Variants in PABPC4 observed in about 807,000 individuals in gnomAD.
PABPC4 encodes polyadenylate-binding protein 4.
Under a neutral mutation model 74.5 loss-of-function variants are expected in PABPC4, and 15 were observed. The ratio of observed to expected loss-of-function variants is 0.20; its 90% confidence interval spans 0.13 to 0.31. The LOEUF (loss-of-function observed/expected upper bound fraction) is 0.31, where lower values mean the gene tolerates loss of function less well. Among genes scored for constraint, PABPC4 ranks in the 10% least tolerant of loss-of-function variants. The pLI is 1.00. For missense variants in PABPC4, 610 were observed against 853.5 expected (o/e 0.71, Z 3.55); for synonymous variants, 345 against 303.0 (o/e 1.14, Z -1.44).
At chr1:39,573,825 AAAC>A (rs770841757) in intron 1 of PABPC4, among the ~76,000 whole-genome samples, 3 of 152,150 alleles carry the variant, frequency 2.0e-5, no homozygotes, top group Admixed American at 6.5e-5. Context: ...GTCTCAAAAC[AAAC>A]AACAACAAAA....
intron 3 of PABPC4, 66 bp downstream of exon 3, chr1:39,571,168 G>T: frequency 6.2e-7 from 1 of 1,610,428 alleles, no homozygotes. Flanking sequence ...GTGTGTGCCA[G>T]TTAATAGCGA....
chr1:39,564,655 G>A, intron 9 of PABPC4, 31 bp downstream of exon 9: 2 of 1,611,206 alleles, frequency 1.2e-6, no homozygotes, highest in South Asian at 1.1e-5. Context: ...GGTATATCCT[G>A]GGCTGTCAAT....
At chr1:39,572,894 T>C (rs1012480604) in intron 1 of PABPC4, among the ~76,000 whole-genome samples, 3 of 152,136 alleles carry the variant, frequency 2.0e-5, no homozygotes, top group Non-Finnish European at 4.4e-5. Context: ...CCAGTGATAA[T>C]ACCTCACATT....
At chr1:39,564,583 G>A in intron 9 of PABPC4, 41 bp from the exon 10 acceptor site, 1 of 1,613,078 alleles carries the variant, frequency 6.2e-7, no homozygotes, top group South Asian at 1.1e-5. Flanking sequence ...GAAGTGATGT[G>A]GACCAGAACC....
chr1:39,570,087 T>G (rs1645916253), intron 3 of PABPC4, 85 bp from the exon 4 acceptor site: 4 of 1,361,030 alleles, frequency 2.9e-6, no homozygotes, highest in African/African-American at 1.4e-5. Context: ...GGTTAAAGAC[T>G]GACAGGAGAG....
rs747202127 is a variant in PABPC4 at position 39,564,798 on chromosome 1, C to T, written c.1246-25G>A. On this transcript the variant is annotated intron_variant, in intron 8 of 15. Transcript: ENST00000372858. ...CCTGTAAGACAGAAGAATACCCAAA[C>T]ACCCCCTTAAGGACTGAACCCATCC... 12 of 1,571,076 alleles carry T rather than the reference C, an allele frequency of 7.6e-6. No individual in the cohort carries two copies. In the East Asian group the frequency reaches 1.3e-4, roughly 18 times the overall value.
intron 2 of PABPC4, chr1:39,571,694 G>A (rs1483681221): frequency 4.3e-6 from 2 of 470,488 alleles, no homozygotes; most frequent in South Asian, 3.1e-5. Flanking sequence ...TTGGACAATG[G>A]AGACCCTGTC....
chr1:39,569,059 C>T, intron 5 of PABPC4, 120 bp from the exon 6 acceptor site: 1 of 1,038,752 alleles, frequency 9.6e-7, no homozygotes, highest in Non-Finnish European at 1.4e-6. Flanking sequence ...CACTCCACCT[C>T]TGAAGTCTGT....
chr1:39,565,085 G>A, intron 8 of PABPC4, 21 bp downstream of exon 8: 1 of 1,611,902 alleles, frequency 6.2e-7, no homozygotes, highest in South Asian at 1.1e-5. Context: ...CCCAAGAGCT[G>A]TGACCAAACA....
chr1:39,572,383 C>T lies in PABPC4; in HGVS notation c.387+10G>A. On this transcript the variant is annotated intron_variant, in intron 2 of 15. Transcript: ENST00000372858. ...AATTATTCTGCTAAAATCATTTAAT[C>T]AATGTTTACCTTGCAGGACAGTATG... 1.9e-6 allele frequency: 3 copies of T among 1,559,758 alleles called. No individual in the cohort carries two copies. Among genetic ancestry groups the T allele is most frequent in the Non-Finnish European group, 2.6e-6 (3 of 1,133,982 alleles).
intron 1 of PABPC4, among the ~76,000 whole-genome samples, chr1:39,575,334 G>A (rs778975751): frequency 8.5e-5 from 13 of 152,176 alleles, no homozygotes; most frequent in Non-Finnish European, 1.5e-4. Flanking sequence ...GGCGGAGCGG[G>A]CAGGAGCTTT....
chr1:39,565,245 T>A lies in PABPC4; in HGVS notation c.1106A>T (p.Gln369Leu). The A allele has an allele frequency of 6.2e-7, 1 of 1,614,236 alleles. No individual in the cohort carries two copies. Among genetic ancestry groups the A allele is most frequent in the Middle Eastern group, 1.6e-4 (1 of 6,062 alleles). The change falls in exon 8 of 16, where the codon CAG (glutamine) becomes CTG (leucine). Residue 369 changes from glutamine (Q) to leucine (L), a missense_variant. Physicochemically the swap from Gln to Leu is moderately radical, Grantham distance 113. Around this residue, in one of 4 missense-constraint regions of PABPC4, gnomAD observed 304 missense variants for 478.9 expected, o/e 0.63. Transcript: ENST00000372858. ...GTGAGCCTTTCTCTCTTCCTTCCTC[T>A]GGGCCAGGGCAACATATAGTGGCTT... ...GSKPLYVALA[Q>L]RKEERKAHLT...
At position 39,567,862 on chromosome 1, in the gene PABPC4, C is replaced by T; in HGVS notation, c.877-16G>A. ...GATTCACCCCCTGAAGGAAAAAGAT[C>T]ACTGTTAACTACACTTCTATATCAC... is the stretch of plus-strand genomic sequence containing the variant. On this transcript the variant is annotated splice_polypyrimidine_tract_variant and intron_variant, in intron 6 of 15. Coordinates refer to ENST00000372858, the MANE Select transcript of PABPC4 (RefSeq NM_001135653.2). 7.2e-7 allele frequency: 1 copy of T among 1,384,016 alleles called. No homozygotes were observed. The highest frequency in any genetic ancestry group is 1.0e-6 in the Non-Finnish European group (1 of 971,154). The allele number at this position is 1,384,016 out of a possible 1,614,324, so 85.7% of individuals were successfully genotyped here.
intron 6 of PABPC4, 182 bp from the exon 7 acceptor site, chr1:39,568,028 C>T (rs1052958062): frequency 1.0e-4 from 50 of 479,576 alleles, no homozygotes; most frequent in Non-Finnish European, 1.7e-4. Flanking sequence ...GAGGCCGAGG[C>T]GGGCGAATCA....
chr1:39,569,540 C>T, intron 5 of PABPC4, 55 bp downstream of exon 5: 1 of 1,306,828 alleles, frequency 7.7e-7, no homozygotes. Context: ...AAGACCCTAC[C>T]CATACTCTGG....
At position 39,567,741 on chromosome 1, in the gene PABPC4, A is replaced by G; in HGVS notation, c.972+10T>C. 1 of 1,315,202 alleles carries G rather than the reference A, an allele frequency of 7.6e-7. No individual in the cohort carries two copies. Among genetic ancestry groups the G allele is most frequent in the Non-Finnish European group, 1.1e-6 (1 of 908,312 alleles). The allele number at this position is 1,315,202 out of a possible 1,614,324, so 81.5% of individuals were successfully genotyped here. On this transcript the variant is annotated intron_variant, in intron 7 of 15. Transcript: ENST00000372858. ...CCACTGCTTTCAATCCCCAGATCGCAGTATAATACCTTAGCACTGGTAATT... is the reference window on the plus strand; with the variant it reads ...CCACTGCTTTCAATCCCCAGATCGCGGTATAATACCTTAGCACTGGTAATT...
chr1:39,561,163 A>G (rs1455146615), intron 15 of PABPC4, 41 bp from the exon 16 acceptor site: 1 of 469,720 alleles, frequency 2.1e-6, no homozygotes, highest in Middle Eastern at 3.3e-4. Flanking sequence ...GCATAATCAA[A>G]TAATTTAGAT....
intron 7 of PABPC4, 118 bp downstream of exon 7, chr1:39,567,633 C>A: frequency 1.4e-6 from 1 of 709,942 alleles, no homozygotes; most frequent in Non-Finnish European, 2.6e-6. Flanking sequence ...GCTAGAAAAA[C>A]GTAGTAGCTA....
rs1309090957 is a variant in PABPC4 at position 39,569,676 on chromosome 1, A to G, written c.657T>C (p.Ser219=). ...ELFSQFGKTL[S]VKVMRDPNGK... ...CATTGGGATCTCTCATCACCTTGAC[A>G]CTTAGGGTCTTACCTATTACCAAAG... The change falls in exon 5 of 16, where the codon AGT becomes AGC. Residue 219 remains serine, a synonymous_variant. Coordinates refer to ENST00000372858, the MANE Select transcript of PABPC4 (RefSeq NM_001135653.2). 2 of 1,613,778 alleles carry G rather than the reference A, an allele frequency of 1.2e-6. No individual in the cohort carries two copies. Among genetic ancestry groups the G allele is most frequent in the South Asian group, 2.2e-5 (2 of 91,074 alleles).
Sources: gnomAD v4.1 joint callset for allele counts (sites outside exome capture counted in the v4.1 genomes callset) on GRCh38, gnomAD v4.1.1 for gene constraint, gnomAD v4.1.1 regional missense constraint, MANE v1.5 for transcripts, NCBI Gene and HGNC (gene_info 2026-07-23, HGNC 2026-07-21) for gene names.